Variants in ZFHX3 observed in about 807,000 individuals in gnomAD.
ZFHX3 encodes zinc finger homeobox protein 3.
In ZFHX3, 42 loss-of-function variants were observed where a neutral mutation model predicts 279.1. The observed-to-expected ratio is 0.15, with a 90% CI of 0.12 to 0.19. The LOEUF is 0.19. Among genes scored for constraint, ZFHX3 ranks in the 10% least tolerant of loss-of-function variants. ZFHX3 has a pLI of 1.00. For missense variants in ZFHX3, 4,981 were observed against 4,754.0 expected (o/e 1.05, Z -1.40); for synonymous variants, 2,293 against 1,957.8 (o/e 1.17, Z -4.52).
intron 4 of ZFHX3, among the ~76,000 whole-genome samples, chr16:72,831,279 C>T (rs12051226): frequency 0.033 from 5,000 of 152,268 alleles, 599 homozygotes; most frequent in East Asian, 0.28. Flanking sequence ...GGTCCAAGGT[C>T]TGGAAAACTG....
chr16:73,180,254 T>C (rs1020136497), intron 5 of ZFHX3, among the ~76,000 whole-genome samples: 2 of 152,118 alleles, frequency 1.3e-5, no homozygotes, highest in African/African-American at 2.4e-5. Context: ...CAAATATTTG[T>C]AGGGAAAATT....
chr16:73,078,214 C>T (rs901676954), intron 8 of ZFHX3, among the ~76,000 whole-genome samples: 4 of 152,220 alleles, frequency 2.6e-5, no homozygotes, highest in African/African-American at 9.6e-5. Context: ...AGACAAATTA[C>T]AGTGGCCACA....
chr16:73,115,180 A>G (rs1020966298), intron 7 of ZFHX3, among the ~76,000 whole-genome samples: 2 of 151,998 alleles, frequency 1.3e-5, no homozygotes, highest in African/African-American at 4.8e-5. Flanking sequence ...GACGCTGCTG[A>G]GTTGGTGCCT....
intron 4 of ZFHX3, among the ~76,000 whole-genome samples, chr16:73,299,649 C>T (rs2015006149): frequency 6.6e-6 from 1 of 152,212 alleles, no homozygotes; most frequent in African/African-American, 2.4e-5. Context: ...GAACGTGCCC[C>T]AGCCCAGGAG....
intron 5 of ZFHX3, among the ~76,000 whole-genome samples, chr16:73,186,318 C>T (rs963541670): frequency 6.6e-6 from 1 of 152,096 alleles, no homozygotes; most frequent in African/African-American, 2.4e-5. Context: ...GGACTGCTGC[C>T]CTACCAGGTG....
At chr16:73,055,782 T>G (rs1270743108) in intron 1 of ZFHX3, among the ~76,000 whole-genome samples, 1 of 145,576 alleles carries the variant, frequency 6.9e-6, no homozygotes, top group East Asian at 2.1e-4. Flanking sequence ...CCAGTTTTCT[T>G]GGCCCACACC....
At chr16:73,061,816 C>G (rs1382636421), upstream of ZFHX3, 1 of 151,990 alleles carries the variant, frequency 6.6e-6, no homozygotes, top group Non-Finnish European at 1.5e-5. Context: ...GTAAATAGTA[C>G]TAGAAGTGAA....
At chr16:73,010,096 G>A (rs1963861893) in intron 1 of ZFHX3, among the ~76,000 whole-genome samples, 2 of 150,976 alleles carry the variant, frequency 1.3e-5, no homozygotes, top group African/African-American at 2.4e-5. Flanking sequence ...GAACACCCAC[G>A]GAGGCACGCC....
intron 9 of ZFHX3, among the ~76,000 whole-genome samples, chr16:72,792,168 T>C (rs1257567362): frequency 6.6e-6 from 1 of 152,018 alleles, no homozygotes; most frequent in African/African-American, 2.4e-5. Context: ...GAGAAGTATG[T>C]AGGAAGAACT....
chr16:73,390,955 G>A (rs2017000100), intron 3 of ZFHX3, among the ~76,000 whole-genome samples: 1 of 151,620 alleles, frequency 6.6e-6, no homozygotes, highest in Non-Finnish European at 1.5e-5. Context: ...AAAGGCCCGA[G>A]AATAGTGTCA....
At chr16:73,484,656 G>C (rs553699837) in intron 2 of ZFHX3, among the ~76,000 whole-genome samples, 1 of 152,202 alleles carries the variant, frequency 6.6e-6, no homozygotes, top group Non-Finnish European at 1.5e-5. Flanking sequence ...CATGTGAGGA[G>C]TAAAGGACCA....
At chr16:73,531,958 T>G (rs551822877) in intron 2 of ZFHX3, among the ~76,000 whole-genome samples, 10 of 151,928 alleles carry the variant, frequency 6.6e-5, no homozygotes, top group Admixed American at 1.3e-4. Flanking sequence ...ATATGTGGCA[T>G]GCACCTGTAA....
chr16:73,358,048 C>A (rs2016373716), intron 3 of ZFHX3, among the ~76,000 whole-genome samples: 1 of 152,242 alleles, frequency 6.6e-6, no homozygotes, highest in Non-Finnish European at 1.5e-5. Flanking sequence ...CCACCATTTC[C>A]TCCCTCTGCC....
At chr16:72,890,571 A>G (rs2038749829) in intron 3 of ZFHX3, among the ~76,000 whole-genome samples, 1 of 151,750 alleles carries the variant, frequency 6.6e-6, no homozygotes, top group South Asian at 2.1e-4. Flanking sequence ...GCAAGCTGAT[A>G]CCCATTCCTA....
intron 1 of ZFHX3, among the ~76,000 whole-genome samples, chr16:73,888,736 G>A (rs2030430346): frequency 6.6e-6 from 1 of 152,138 alleles, no homozygotes; most frequent in South Asian, 2.1e-4. Flanking sequence ...CAGCTTTCCG[G>A]GTGGATGTCT....
At chr16:73,250,831 C>T (rs951655458) in intron 5 of ZFHX3, among the ~76,000 whole-genome samples, 2 of 152,088 alleles carry the variant, frequency 1.3e-5, no homozygotes, top group African/African-American at 4.8e-5. Flanking sequence ...TTTAAGCCAC[C>T]GTGCCCAGCT....
chr16:73,105,394 CAT>C (rs35716634), intron 7 of ZFHX3, among the ~76,000 whole-genome samples: 57,298 of 123,524 alleles, frequency 0.46, 13,569 homozygotes, highest in South Asian at 0.6. Context: ...CACACACACA[CAT>C]ATATATATAT....
At chr16:73,831,431 A>C (rs929264785) in intron 1 of ZFHX3, among the ~76,000 whole-genome samples, 1 of 152,178 alleles carries the variant, frequency 6.6e-6, no homozygotes, top group Non-Finnish European at 1.5e-5. Flanking sequence ...GAGCATAAGA[A>C]ACAGATGGGA....
At chr16:73,123,859 G>C (rs867799584) in intron 7 of ZFHX3, among the ~76,000 whole-genome samples, 4 of 152,110 alleles carry the variant, frequency 2.6e-5, no homozygotes, top group Non-Finnish European at 2.9e-5. Context: ...GCAATATGAA[G>C]ACCCAGTAAG....
Sources: gnomAD v4.1 joint callset for allele counts (sites outside exome capture counted in the v4.1 genomes callset) on GRCh38, gnomAD v4.1.1 for gene constraint, MANE v1.5 for transcripts, NCBI Gene and HGNC (gene_info 2026-07-23, HGNC 2026-07-21) for gene names.